The following GPC5 variants were observed in gnomAD, a reference collection of about 807,000 sequenced individuals.
GPC5 encodes the protein glypican-5.
Under a neutral mutation model 53.9 loss-of-function variants are expected in GPC5, and 47 were observed. The observed-to-expected ratio is 0.87, with a 90% CI of 0.69 to 1.11. The LOEUF (loss-of-function observed/expected upper bound fraction) is 1.11. Ranked by LOEUF, GPC5 falls within the 50% of genes most tolerant of loss-of-function variation. GPC5 has a pLI of 0.00. For synonymous variants in GPC5, 286 were observed against 263.3 expected, an observed-to-expected ratio of 1.09 and a Z score of -0.84; for missense variants, 748 against 713.1, an observed-to-expected ratio of 1.05 and a Z score of -0.56.
At chr13:92,797,867 A>G (rs1216800070) in intron 7 of GPC5, among the ~76,000 whole-genome samples, 1 of 136,852 alleles carries the variant, frequency 7.3e-6, no homozygotes, top group Non-Finnish European at 1.6e-5. Context: ...ATAGATAGAT[A>G]GATGATAGAT....
At chr13:92,194,178 C>A (rs1301945628) in intron 7 of GPC5, among the ~76,000 whole-genome samples, 1 of 152,166 alleles carries the variant, frequency 6.6e-6, no homozygotes. Context: ...AGATTATTAT[C>A]CTCATTTTAC....
At chr13:91,683,069 G>A (rs893128835) in intron 2 of GPC5, among the ~76,000 whole-genome samples, 1 of 152,008 alleles carries the variant, frequency 6.6e-6, no homozygotes, top group African/African-American at 2.4e-5. Context: ...ATATGTGCTT[G>A]AATGGAGGAT....
At chr13:91,501,256 T>C (rs954734796) in intron 2 of GPC5, among the ~76,000 whole-genome samples, 3 of 151,704 alleles carry the variant, frequency 2.0e-5, no homozygotes, top group Non-Finnish European at 4.4e-5. Context: ...TTTTTTTTTT[T>C]TTTTGTAATT....
rs141949784 is a variant in GPC5 at position 92,017,981 on chromosome 13, T to TAC, written c.1401+109939_1401+109940dup. 9.6e-3 allele frequency among the ~76,000 whole-genome samples: 1,421 copies of TAC among 148,130 alleles called. 8 individuals carry two copies. Among genetic ancestry groups the TAC allele is most frequent in the Non-Finnish European group, 0.013 (894 of 66,818 alleles). The stretch of plus-strand genomic sequence containing the variant: ...CGAGTACATACACGTGCAGCACGAG[T>TAC]ACACACACACACACACGAGTACACA... On this transcript the variant is annotated intron_variant, in intron 6 of 7. Transcript: ENST00000377067.
At chr13:92,513,213 G>A (rs986846455) in intron 7 of GPC5, among the ~76,000 whole-genome samples, 4 of 152,284 alleles carry the variant, frequency 2.6e-5, no homozygotes, top group African/African-American at 7.2e-5. Flanking sequence ...AAATCAGCAG[G>A]AACATGGCTT....
chr13:92,066,229 A>G (rs1444327767), intron 6 of GPC5, among the ~76,000 whole-genome samples: 2 of 152,106 alleles, frequency 1.3e-5, no homozygotes, highest in Non-Finnish European at 2.9e-5. Flanking sequence ...AAGGGCTGCC[A>G]TAAGCTAATC....
intron 7 of GPC5, among the ~76,000 whole-genome samples, chr13:92,585,497 C>T (rs1274374498): frequency 1.3e-5 from 2 of 152,132 alleles, no homozygotes; most frequent in Non-Finnish European, 2.9e-5. Context: ...AGCTAACTTG[C>T]TTTTGATTTT....
chr13:92,699,108 TGTTACTG>T (rs1887650424), intron 7 of GPC5, among the ~76,000 whole-genome samples: 1 of 152,122 alleles, frequency 6.6e-6, no homozygotes, highest in Non-Finnish European at 1.5e-5. Flanking sequence ...TTTCAGAACT[TGTTACTG>T]GTCTATTCAG....
At chr13:92,774,835 G>A (rs1875740683) in intron 7 of GPC5, among the ~76,000 whole-genome samples, 1 of 152,032 alleles carries the variant, frequency 6.6e-6, no homozygotes, top group Non-Finnish European at 1.5e-5. Context: ...TTCTTATAGA[G>A]GTGAATCCTT....
chr13:91,432,229 G>C (rs1328806467), intron 1 of GPC5, among the ~76,000 whole-genome samples: 2 of 148,030 alleles, frequency 1.4e-5, no homozygotes, highest in Admixed American at 6.7e-5. Context: ...GTGTGTGTGT[G>C]TGTGTGTGTG....
intron 7 of GPC5, among the ~76,000 whole-genome samples, chr13:92,528,998 T>C (rs1881461160): frequency 6.6e-6 from 1 of 152,140 alleles, no homozygotes; most frequent in African/African-American, 2.4e-5. Flanking sequence ...ACTGCACCAG[T>C]GTCAATCCAT....
chr13:91,911,519 G>C (rs1438599113), intron 6 of GPC5, among the ~76,000 whole-genome samples: 1 of 152,026 alleles, frequency 6.6e-6, no homozygotes, highest in Non-Finnish European at 1.5e-5. Flanking sequence ...CTCCTGCCTG[G>C]GTGACAGAGC....
At chr13:91,557,037 G>A (rs1008396335) in intron 2 of GPC5, among the ~76,000 whole-genome samples, 1 of 152,042 alleles carries the variant, frequency 6.6e-6, no homozygotes, top group Non-Finnish European at 1.5e-5. Flanking sequence ...TTGGGTGGAC[G>A]TAGTTTTTAT....
At chr13:92,012,438 C>A (rs2040670089) in intron 6 of GPC5, among the ~76,000 whole-genome samples, 3 of 152,014 alleles carry the variant, frequency 2.0e-5, no homozygotes, top group Admixed American at 2.0e-4. Flanking sequence ...AAAAGAATTT[C>A]TTCTTGCATA....
chr13:92,862,778 C>A (rs1039190944), intron 7 of GPC5, among the ~76,000 whole-genome samples: 1 of 152,216 alleles, frequency 6.6e-6, no homozygotes, highest in African/African-American at 2.4e-5. Context: ...TATAAATGAA[C>A]GAGCAAATTA....
rs137962824 is a variant in GPC5 at position 91,728,579 on chromosome 13, C to T, written c.1068C>T (p.Pro356=). 3.7e-6 allele frequency: 6 copies of T among 1,612,664 alleles called. No homozygotes were observed. The highest frequency in any genetic ancestry group is 8.5e-7 in the Non-Finnish European group (1 of 1,179,114). ...GRPVRTPTQS[P]RCSFDQSKEK... ...CTGTAAGAACACCCACACAAAGCCC[C>T]CGTTGTTCTTTTGATCAGAGCAAAG... Residue 356 remains proline (P), a synonymous_variant, in exon 4 of 8, where the codon CCC becomes CCT. Coordinates refer to ENST00000377067, the MANE Select transcript of GPC5 (RefSeq NM_004466.6).
rs1489758072 is a variant in GPC5, at chr13:91,511,547, C to A, written c.325+62625C>A. 3.3e-5 allele frequency among the ~76,000 whole-genome samples: 5 copies of A among 152,242 alleles called. No individual in the cohort carries two copies. In the East Asian group the frequency reaches 9.6e-4, roughly 29 times the overall value. ...CTTTGCTCATCTTCCTCCCCACTCC[C>A]CCAGCATTGTTTTCTTCTTTGAGTT... On this transcript the variant is annotated intron_variant, in intron 2 of 7. Transcript: ENST00000377067.
chr13:92,454,662 C>T (rs1398873007), intron 7 of GPC5, among the ~76,000 whole-genome samples: 2 of 152,178 alleles, frequency 1.3e-5, no homozygotes, highest in African/African-American at 2.4e-5. Flanking sequence ...TCTATCTTGA[C>T]ATGGTATGCA....
chr13:92,184,763 C>A (rs4773673), intron 7 of GPC5, among the ~76,000 whole-genome samples: 74,377 of 151,942 alleles, frequency 0.49, 18,786 homozygotes, highest in Middle Eastern at 0.7. Flanking sequence ...ATGAGTGTAT[C>A]ATTTTTAAGG....
Sources: gnomAD v4.1 joint callset for allele counts (sites outside exome capture counted in the v4.1 genomes callset) on GRCh38, gnomAD v4.1.1 for gene constraint, MANE v1.5 for transcripts, NCBI Gene and HGNC (gene_info 2026-07-23, HGNC 2026-07-21) for gene names.